The following KHNYN variants were observed in gnomAD, a reference collection of about 807,000 sequenced individuals.
KHNYN encodes KH and NYN domain containing, also known as protein KHNYN.
In KHNYN, 42 loss-of-function variants were observed where a neutral mutation model predicts 62.7. The observed-to-expected ratio is 0.67, with a 90% confidence interval of 0.52 to 0.87. The LOEUF (loss-of-function observed/expected upper bound fraction) is 0.87. Among genes scored for constraint, KHNYN ranks in the 40% least tolerant of loss-of-function variants. The pLI, the probability that KHNYN is intolerant of heterozygous loss-of-function variation, is 0.00. For synonymous variants in KHNYN, 347 were observed against 345.6 expected, an observed-to-expected ratio of 1.00 and a Z score of -0.04; for missense variants, 829 against 874.1, an observed-to-expected ratio of 0.95 and a Z score of 0.65.
chr14:24,436,989 TC>T (rs761331472), intron 7 of KHNYN, 46 bp from the exon 8 acceptor site: 6 of 1,576,888 alleles, frequency 3.8e-6, no homozygotes, highest in South Asian at 3.4e-5. Flanking sequence ...AGATCTAATT[TC>T]CCCCCCAGGA....
At chr14:24,424,789 C>A (rs1245012650), upstream of KHNYN, among the ~76,000 whole-genome samples, 1 of 152,204 alleles carries the variant, frequency 6.6e-6, no homozygotes, top group African/African-American at 2.4e-5. Context: ...GTGGATTCTT[C>A]CCCTCCAGTA....
At chr14:24,425,248 A>C (rs774173843), upstream of KHNYN, among the ~76,000 whole-genome samples, 1 of 152,046 alleles carries the variant, frequency 6.6e-6, no homozygotes, top group African/African-American at 2.4e-5. Context: ...CCCAATAGCT[A>C]ATTTCCCCTT....
chr14:24,428,262 G>C, upstream of KHNYN: 2 of 1,612,482 alleles, frequency 1.2e-6, no homozygotes, highest in Non-Finnish European at 1.7e-6. Flanking sequence ...CTGAGCCGGG[G>C]ATGGGGGCCA....
chr14:24,430,469 A>G (rs1371344571), intron 1 of KHNYN: 1 of 1,333,176 alleles, frequency 7.5e-7, no homozygotes, highest in Non-Finnish European at 9.6e-7. Context: ...GACTGTGGTC[A>G]TCCTTTTCCA....
upstream of KHNYN, chr14:24,429,701 CG>C: frequency 1.1e-5 from 11 of 985,416 alleles, no homozygotes; most frequent in Non-Finnish European, 1.3e-5. Flanking sequence ...TCTTTATTCG[CG>C]GGAAACAACT....
intron 5 of KHNYN, among the ~76,000 whole-genome samples, chr14:24,433,857 C>T (rs2043164625): frequency 6.6e-6 from 1 of 152,212 alleles, no homozygotes; most frequent in South Asian, 2.1e-4. Flanking sequence ...ATACAAGGCA[C>T]ACTTCTACCA....
chr14:24,433,233 G>T (rs1025638482), intron 5 of KHNYN, among the ~76,000 whole-genome samples: 4 of 152,290 alleles, frequency 2.6e-5, no homozygotes, highest in South Asian at 2.1e-4. Flanking sequence ...AGACAACCAT[G>T]TTTGTCTATT....
intron 1 of KHNYN, 72 bp downstream of exon 1, chr14:24,430,191 G>C: frequency 1.0e-6 from 1 of 967,548 alleles, no homozygotes; most frequent in Non-Finnish European, 1.2e-6. Context: ...CCGGCCCGGG[G>C]TGGCTGCCCC....
In KHNYN at chr14:24,440,828, C is replaced by T. The variant is rs2043313575; in HGVS notation, c.*3543C>T. ...CGTGTAGAATCTCCAGGAAGCCTGGCTGCAGCTTCCCATTTGGTTACGAGG... is the reference window on the plus strand; with the variant it reads ...CGTGTAGAATCTCCAGGAAGCCTGGTTGCAGCTTCCCATTTGGTTACGAGG... On this transcript the variant is annotated 3_prime_UTR_variant, in exon 8 of 8. Transcript: ENST00000553935. 6.2e-7 allele frequency: 1 copy of T among 1,613,714 alleles called. No homozygotes were observed. Among genetic ancestry groups the T allele is most frequent in the African/African-American group, 1.3e-5 (1 of 74,878 alleles).
chr14:24,438,932 G>A lies in KHNYN; in HGVS notation c.*1647G>A, dbSNP rs1484063895. The A allele has an allele frequency of 6.6e-6, 1 of 152,182 alleles. No homozygotes were observed. Among genetic ancestry groups the A allele is most frequent in the African/African-American group, 2.4e-5 (1 of 41,406 alleles). 9.4% of individuals were successfully genotyped at this position (152,182 alleles called of 1,614,324 possible). Reference sequence around the variant, plus strand: ...ATGGCGAGTGTAATGATGATGGGGAGGGTCCTTGTGTCCTCACCCCTTCCT... The same window carrying A: ...ATGGCGAGTGTAATGATGATGGGGAAGGTCCTTGTGTCCTCACCCCTTCCT... On this transcript the variant is annotated 3_prime_UTR_variant, in exon 8 of 8. Transcript: ENST00000553935.
At chr14:24,429,000 G>A, upstream of KHNYN, 1 of 1,549,576 alleles carries the variant, frequency 6.5e-7, no homozygotes, top group East Asian at 2.4e-5. Context: ...AGAACCAAGG[G>A]CAGCCCGGGA....
rs1043511688 is a variant in KHNYN at position 24,429,974 on chromosome 14, A to T, written c.-163A>T. 42 of 988,972 alleles carry T rather than the reference A, an allele frequency of 4.2e-5. No individual in the cohort carries two copies. Among genetic ancestry groups the T allele is most frequent in the Non-Finnish European group, 5.0e-5 (42 of 831,760 alleles). 61.3% of individuals were successfully genotyped at this position (988,972 alleles called of 1,614,324 possible). ...GAAACAGTTTGCGTGCGATGTGGAC[A>T]AGAGAGGTCCCCGCTGGGTGAGGAA... is the stretch of plus-strand genomic sequence containing the variant. On this transcript the variant is annotated 5_prime_UTR_variant, in exon 1 of 8. Coordinates refer to ENST00000553935, the MANE Select transcript of KHNYN (RefSeq NM_015299.3).
intron 5 of KHNYN, among the ~76,000 whole-genome samples, chr14:24,434,982 GGAGAGATTTGTGAGT>G (rs1276139442): frequency 3.3e-5 from 5 of 152,206 alleles, no homozygotes; most frequent in Non-Finnish European, 7.3e-5. Context: ...TTGTGGGAAA[GGAGAGATTTGTGAGT>G]TTTTGTGTTG....
chr14:24,431,379 G>T, intron 2 of KHNYN, 84 bp from the exon 3 acceptor site: 4 of 1,084,636 alleles, frequency 3.7e-6, no homozygotes, highest in South Asian at 3.1e-5. Context: ...AGACATCCTG[G>T]AGCTCAGGAG....
intron 5 of KHNYN, chr14:24,434,045 G>T (rs1001963359): frequency 1.7e-4 from 98 of 569,746 alleles, no homozygotes; most frequent in Non-Finnish European, 2.2e-4. Context: ...CAAGCAAATG[G>T]TATTCTACAA....
Position 24,439,930 on chromosome 14 carries a change from C to A in KHNYN, c.*2645C>A. On this transcript the variant is annotated 3_prime_UTR_variant, in exon 8 of 8. Transcript: ENST00000553935. ...ACCTGATGAGATTACGGCCTTGAGA[C>A]AATAAGGTGGAGCAACAGAACAATG... The A allele has an allele frequency of 1.6e-6, 1 of 634,832 alleles. No individual in the cohort carries two copies. The highest frequency in any genetic ancestry group is 2.7e-6 in the Non-Finnish European group (1 of 375,238). 39.3% of individuals were successfully genotyped at this position (634,832 alleles called of 1,614,324 possible). A position where few individuals can be genotyped will look rare whatever the true frequency, so the allele number is the denominator to read the frequency against.
At chr14:24,429,209 G>A (rs555259436), upstream of KHNYN, 8 of 755,668 alleles carry the variant, frequency 1.1e-5, no homozygotes, top group East Asian at 1.3e-4. Context: ...GCTCTGTCCT[G>A]CCTCCCACTC....
rs1196972049 is a variant in KHNYN at position 24,431,857 on chromosome 14, G to A, written c.596G>A (p.Ser199Asn). 4.3e-6 allele frequency: 7 copies of A among 1,613,952 alleles called. No individual in the cohort carries two copies. The highest frequency in any genetic ancestry group is 1.6e-4 in the Middle Eastern group (1 of 6,068). Residue 199 changes from serine (S) to asparagine (N), a missense_variant, in exon 3 of 8, where the codon AGT (serine) becomes AAT (asparagine). This residue lies in a region of KHNYN where 559 missense variants were observed against 527.0 expected (regional missense o/e 1.06). Transcript: ENST00000553935. The stretch of plus-strand genomic sequence containing the variant: ...CTGAGTCTGGTGCAGGAGGCGTCTA[G>A]TGGGCAGGGGCCAGGAGCACTGGCT... ...ELLSLVQEAS[S>N]GQGPGALASW...
upstream of KHNYN, chr14:24,429,112 G>T: frequency 6.9e-7 from 1 of 1,446,832 alleles, no homozygotes; most frequent in Non-Finnish European, 9.2e-7. Flanking sequence ...TTCTGTTTCC[G>T]CTCCTCTCCC....
Sources: allele counts gnomAD v4.1 joint callset (sites outside exome capture counted in the v4.1 genomes callset), GRCh38; gene constraint gnomAD v4.1.1; regional missense constraint gnomAD v4.1.1; transcripts MANE v1.5; gene names NCBI Gene and HGNC (gene_info 2026-07-23, HGNC 2026-07-21).